SLC44A5: variants seen among roughly 807,000 people sequenced by gnomAD.
SLC44A5 encodes the protein solute carrier family 44 member 5.
SLC44A5 carries 57 observed loss-of-function variants against 101.8 expected under a neutral mutation model. That is an observed-to-expected ratio of 0.56 (90% confidence interval 0.45 to 0.70). The LOEUF (loss-of-function observed/expected upper bound fraction) is 0.70, where lower values mean the gene tolerates loss of function less well. Ranked by LOEUF, SLC44A5 falls within the 30% of genes least tolerant of loss-of-function variation. The pLI is 0.00. For synonymous variants in SLC44A5, 281 were observed against 290.9 expected, an observed-to-expected ratio of 0.97 and a Z score of 0.35; for missense variants, 737 against 853.1, an observed-to-expected ratio of 0.86 and a Z score of 1.70.
intron 9 of SLC44A5, among the ~76,000 whole-genome samples, chr1:75,238,848 T>A (rs1648364437): frequency 6.6e-6 from 1 of 152,054 alleles, no homozygotes; most frequent in African/African-American, 2.4e-5. Context: ...TGAAACTACA[T>A]TCTAAACTTG....
chr1:75,325,190 G>A (rs952819817), intron 4 of SLC44A5, among the ~76,000 whole-genome samples: 1 of 152,128 alleles, frequency 6.6e-6, no homozygotes, highest in Admixed American at 6.6e-5. Context: ...GAGTTGAAGA[G>A]GGAACATGTG....
chr1:75,480,896 A>G (rs1371918759), intron 2 of SLC44A5, among the ~76,000 whole-genome samples: 1 of 152,240 alleles, frequency 6.6e-6, no homozygotes, highest in Non-Finnish European at 1.5e-5. Flanking sequence ...AGAATTGGAA[A>G]AAACTACTTT....
At chr1:75,412,821 T>C (rs936686385) in intron 2 of SLC44A5, among the ~76,000 whole-genome samples, 2 of 152,176 alleles carry the variant, frequency 1.3e-5, no homozygotes. Context: ...ATGCTATCTA[T>C]GCAACCCACT....
intron 3 of SLC44A5, among the ~76,000 whole-genome samples, chr1:75,344,086 A>T (rs1431012871): frequency 6.6e-6 from 1 of 151,926 alleles, no homozygotes; most frequent in African/African-American, 2.4e-5. Flanking sequence ...GAGCAATGTG[A>T]CTTTCTCCTC....
chr1:75,669,762 T>C, the SLC44A5 span, among the ~76,000 whole-genome samples: 1 of 151,882 alleles, frequency 6.6e-6, no homozygotes, highest in Non-Finnish European at 1.5e-5. Flanking sequence ...TTTAAATAAA[T>C]AAAATACTTG....
intron 1 of SLC44A5, among the ~76,000 whole-genome samples, chr1:75,570,396 A>C (rs1002034991): frequency 1.6e-4 from 24 of 152,234 alleles, no homozygotes; most frequent in African/African-American, 5.3e-4. Flanking sequence ...CAAAATACAC[A>C]AAGAGAAAGG....
chr1:75,289,531 C>T (rs545444589), intron 5 of SLC44A5, among the ~76,000 whole-genome samples: 23 of 152,198 alleles, frequency 1.5e-4, no homozygotes, highest in African/African-American at 2.2e-4. Context: ...ATTCCTACAA[C>T]GCTTCAGAAG....
chr1:75,225,402 C>G (rs1647175683), intron 13 of SLC44A5, among the ~76,000 whole-genome samples: 1 of 152,140 alleles, frequency 6.6e-6, no homozygotes, highest in African/African-American at 2.4e-5. Context: ...GTATTTCTCT[C>G]ATTAAGCAAC....
At chr1:75,650,583 C>T in the SLC44A5 span, among the ~76,000 whole-genome samples, 1 of 152,290 alleles carries the variant, frequency 6.6e-6, no homozygotes, top group South Asian at 2.1e-4. Flanking sequence ...TGCTCTGAAC[C>T]AAGTCTAATT....
chr1:75,710,902 T>C, the SLC44A5 span, among the ~76,000 whole-genome samples: 3 of 152,202 alleles, frequency 2.0e-5, no homozygotes, highest in African/African-American at 7.2e-5. Context: ...TTTGAAGATG[T>C]GAAGTTTTTA....
At chr1:75,429,097 A>T (rs923753284) in intron 2 of SLC44A5, among the ~76,000 whole-genome samples, 1 of 152,178 alleles carries the variant, frequency 6.6e-6, no homozygotes, top group Non-Finnish European at 1.5e-5. Context: ...CTGATTATGG[A>T]ACTGGTGCTT....
chr1:75,586,685 T>C (rs1303245196), intron 1 of SLC44A5, among the ~76,000 whole-genome samples: 2 of 152,094 alleles, frequency 1.3e-5, no homozygotes, highest in African/African-American at 2.4e-5. Context: ...ACTTAAGATA[T>C]ATGATTGCAC....
At chr1:75,207,295 G>A (rs980199542) in intron 23 of SLC44A5, among the ~76,000 whole-genome samples, 57 of 152,100 alleles carry the variant, frequency 3.7e-4, no homozygotes, top group African/African-American at 1.3e-3. Flanking sequence ...TAACTATAAG[G>A]CACCCTGTCC....
rs201929282 is a variant in SLC44A5, at chr1:75,274,929, T to C, written c.260+29A>G. On this transcript the variant is annotated intron_variant, in intron 6 of 23. Transcript: ENST00000370859. The stretch of plus-strand genomic sequence containing the variant: ...CTAGGTTCCAGTTTAGACAGTAAAA[T>C]CACACAAAGCAAAGGTGGCCATACT... The C allele has an allele frequency of 9.5e-6, 15 of 1,571,922 alleles. No individual in the cohort carries two copies. The African/African-American group carries it at 1.8e-4, about 18-fold the overall frequency.
intron 1 of SLC44A5, among the ~76,000 whole-genome samples, chr1:75,547,965 T>TG (rs1367311479): frequency 6.6e-6 from 1 of 152,222 alleles, no homozygotes; most frequent in Non-Finnish European, 1.5e-5. Context: ...TTTTTAGGGA[T>TG]GGGCTAAATG....
chr1:75,552,003 C>T (rs992293237), intron 1 of SLC44A5, among the ~76,000 whole-genome samples: 2 of 152,060 alleles, frequency 1.3e-5, no homozygotes, highest in African/African-American at 4.8e-5. Context: ...AGTGTTTTCT[C>T]ATTTGGGCAG....
intron 2 of SLC44A5, among the ~76,000 whole-genome samples, chr1:75,536,026 T>C (rs1377502360): frequency 6.7e-5 from 9 of 134,556 alleles, no homozygotes; most frequent in South Asian, 4.7e-4. Context: ...CTGGGCAACA[T>C]AGCAAGACTT....
chr1:75,375,198 A>G (rs1660497644), intron 3 of SLC44A5, among the ~76,000 whole-genome samples: 1 of 152,230 alleles, frequency 6.6e-6, no homozygotes, highest in African/African-American at 2.4e-5. Flanking sequence ...TCACTATAGA[A>G]ATTTCAAAAT....
At chr1:75,315,298 G>A (rs2100931978) in intron 4 of SLC44A5, among the ~76,000 whole-genome samples, 1 of 152,126 alleles carries the variant, frequency 6.6e-6, no homozygotes, top group South Asian at 2.1e-4. Context: ...AAAAGCTTTA[G>A]GGCACAAATA....
Sources: gnomAD v4.1 joint callset for allele counts (sites outside exome capture counted in the v4.1 genomes callset) on GRCh38, gnomAD v4.1.1 for gene constraint, MANE v1.5 for transcripts, NCBI Gene and HGNC (gene_info 2026-07-23, HGNC 2026-07-21) for gene names.